Variants in TANC2 observed in about 807,000 individuals in gnomAD.
TANC2 encodes tetratricopeptide repeat, ankyrin repeat and coiled-coil containing 2.
Under a neutral mutation model 210.5 loss-of-function variants are expected in TANC2, and 26 were observed. That is an observed-to-expected ratio of 0.12 (90% CI 0.09 to 0.17). The LOEUF is 0.17. TANC2 is among the 10% of genes least tolerant of loss of function. The pLI, the probability that TANC2 is intolerant of heterozygous loss-of-function variation, is 1.00. For synonymous variants in TANC2, 931 were observed against 967.1 expected (o/e 0.96, Z 0.69); for missense variants, 2,129 against 2,608.9 (o/e 0.82, Z 4.01).
At chr17:63,250,311 A>T (rs1006439493) in intron 8 of TANC2, among the ~76,000 whole-genome samples, 1 of 136,278 alleles carries the variant, frequency 7.3e-6, no homozygotes, top group Admixed American at 6.9e-5. Context: ...TTTATTTATG[A>T]ATGAATGAAT....
intron 4 of TANC2, among the ~76,000 whole-genome samples, chr17:63,129,390 C>G (rs559929624): frequency 6.6e-6 from 1 of 152,080 alleles, no homozygotes; most frequent in Non-Finnish European, 1.5e-5. Context: ...TCACATTTTC[C>G]AAGTTTCAAT....
chr17:63,048,724 T>C (rs985333386), intron 2 of TANC2, among the ~76,000 whole-genome samples: 1 of 152,078 alleles, frequency 6.6e-6, no homozygotes, highest in Non-Finnish European at 1.5e-5. Flanking sequence ...TGTTCTCTCT[T>C]ATAAATGGGA....
At chr17:63,159,953 G>A (rs1431417477) in intron 5 of TANC2, among the ~76,000 whole-genome samples, 1 of 152,196 alleles carries the variant, frequency 6.6e-6, no homozygotes, top group African/African-American at 2.4e-5. Context: ...CAAGGTTCTG[G>A]CTGATTCAGT....
intron 8 of TANC2, among the ~76,000 whole-genome samples, chr17:63,256,427 T>C (rs1463990415): frequency 6.6e-6 from 1 of 152,202 alleles, no homozygotes; most frequent in Non-Finnish European, 1.5e-5. Context: ...CTCTTGTTAC[T>C]CATGTCTAGT....
chr17:63,359,775 G>A (rs1202248468), intron 14 of TANC2, among the ~76,000 whole-genome samples: 1 of 152,156 alleles, frequency 6.6e-6, no homozygotes, highest in Non-Finnish European at 1.5e-5. Flanking sequence ...TGATGTGGGA[G>A]CCTAATTTGG....
At chr17:63,348,140 A>G (rs1045068281) in intron 12 of TANC2, among the ~76,000 whole-genome samples, 6 of 152,186 alleles carry the variant, frequency 3.9e-5, no homozygotes, top group African/African-American at 1.4e-4. Context: ...GAACAAAGAT[A>G]TTGTCTGATA....
At chr17:63,196,970 C>T (rs1025237888) in intron 6 of TANC2, among the ~76,000 whole-genome samples, 2 of 152,150 alleles carry the variant, frequency 1.3e-5, no homozygotes, top group African/African-American at 2.4e-5. Flanking sequence ...TTAACAGCCA[C>T]ACCATACTGT....
At chr17:63,183,575 C>A (rs959663145) in intron 5 of TANC2, among the ~76,000 whole-genome samples, 7 of 152,138 alleles carry the variant, frequency 4.6e-5, no homozygotes, top group Non-Finnish European at 8.8e-5. Context: ...ACTCATTATT[C>A]GAGTGATGGG....
chr17:63,409,161 TTTTTTG>T (rs2048609472), intron 21 of TANC2, among the ~76,000 whole-genome samples: 1 of 152,114 alleles, frequency 6.6e-6, no homozygotes, highest in Non-Finnish European at 1.5e-5. Flanking sequence ...TTTGTATTTG[TTTTTTG>T]TTTTTGTTTT....
intron 1 of TANC2, among the ~76,000 whole-genome samples, chr17:62,990,086 T>A (rs1472982360): frequency 6.6e-6 from 1 of 151,896 alleles, no homozygotes; most frequent in African/African-American, 2.4e-5. Flanking sequence ...CAAGGCATGC[T>A]TTTTGGTTAG....
At chr17:63,276,084 G>A (rs1252589776) in intron 9 of TANC2, among the ~76,000 whole-genome samples, 1 of 152,036 alleles carries the variant, frequency 6.6e-6, no homozygotes, top group Non-Finnish European at 1.5e-5. Flanking sequence ...TTGTAATTCA[G>A]TAAAATGATC....
intron 2 of TANC2, among the ~76,000 whole-genome samples, chr17:63,023,511 C>T (rs1332544608): frequency 1.3e-5 from 2 of 152,064 alleles, no homozygotes; most frequent in Non-Finnish European, 2.9e-5. Flanking sequence ...TGTCCCTGGC[C>T]GAAAGATTAT....
chr17:63,298,232 G>A (rs562472486), intron 9 of TANC2, among the ~76,000 whole-genome samples: 1 of 152,204 alleles, frequency 6.6e-6, no homozygotes, highest in South Asian at 2.1e-4. Flanking sequence ...GAAAACAGGT[G>A]CTCAAATACA....
chr17:63,319,136 T>G, intron 11 of TANC2, 46 bp downstream of exon 11: 4 of 1,572,832 alleles, frequency 2.5e-6, no homozygotes, highest in Non-Finnish European at 3.5e-6. Flanking sequence ...TCCATTTTAA[T>G]ATCAAGGAAG....
intron 2 of TANC2, among the ~76,000 whole-genome samples, chr17:63,027,208 A>T (rs957892791): frequency 6.6e-6 from 1 of 152,146 alleles, no homozygotes; most frequent in Admixed American, 6.5e-5. Flanking sequence ...AAACTGGTTT[A>T]GTTTGGATGC....
chr17:63,407,446 A>G lies in TANC2; in HGVS notation c.3589+1169A>G, dbSNP rs1298341611. Among the ~76,000 whole-genome samples the G allele has an allele frequency of 2.6e-5, 4 of 152,232 alleles. No individual in the cohort carries two copies. The South Asian group carries it at 8.3e-4, about 31-fold the overall frequency. On this transcript the variant is annotated intron_variant, in intron 21 of 27. Coordinates refer to ENST00000689528, the Ensembl canonical transcript of TANC2. ...AGAGGCAGGAACTCTTGAGCCACTGATAACCTTTAGATAGCTGCAAAGTAC... is the reference window on the plus strand; with the variant it reads ...AGAGGCAGGAACTCTTGAGCCACTGGTAACCTTTAGATAGCTGCAAAGTAC...
chr17:63,024,171 T>C (rs1208012415), intron 2 of TANC2, among the ~76,000 whole-genome samples: 1 of 152,160 alleles, frequency 6.6e-6, no homozygotes, highest in Admixed American at 6.6e-5. Flanking sequence ...TTGGATCCCG[T>C]GCAAGAAATA....
At chr17:63,422,556 A>C (rs2049052627) in exon 28 of TANC2, 1 of 152,370 alleles carries the variant, frequency 6.6e-6, no homozygotes. Flanking sequence ...ATTAAGTGCT[A>C]AATTGGAAGA....
chr17:63,266,218 A>T (rs1187630013), intron 8 of TANC2, among the ~76,000 whole-genome samples: 2 of 152,136 alleles, frequency 1.3e-5, no homozygotes, highest in African/African-American at 2.4e-5. Flanking sequence ...TATTAATAAA[A>T]TTTTAATAAA....
Sources: allele counts gnomAD v4.1 joint callset (sites outside exome capture counted in the v4.1 genomes callset), GRCh38; gene constraint gnomAD v4.1.1; transcripts MANE v1.5; gene names NCBI Gene and HGNC (gene_info 2026-07-23, HGNC 2026-07-21).